Variants in PIAS2 observed in about 807,000 individuals in gnomAD.
PIAS2 encodes E3 SUMO-protein ligase PIAS2.
PIAS2 carries 19 observed loss-of-function variants against 69.7 expected under a neutral mutation model. The observed-to-expected ratio is 0.27, with a 90% confidence interval of 0.19 to 0.40. The LOEUF (loss-of-function observed/expected upper bound fraction) is 0.40, where lower values mean the gene tolerates loss of function less well. PIAS2 is among the 10% of genes least tolerant of loss of function. The pLI is 1.00. For synonymous variants in PIAS2, 261 were observed against 263.2 expected (o/e 0.99, Z 0.08); for missense variants, 624 against 757.0 (o/e 0.82, Z 2.06).
At chr18:46,917,295 C>A in intron 1 of PIAS2, 27 bp downstream of exon 1, 2 of 1,463,892 alleles carry the variant, frequency 1.4e-6, no homozygotes, top group South Asian at 1.3e-5. Flanking sequence ...CCCTCCCCCG[C>A]GGCCTCCGCT....
intron 1 of PIAS2, chr18:46,903,644 C>G (rs2056201525): frequency 6.6e-6 from 1 of 152,196 alleles, no homozygotes; most frequent in Non-Finnish European, 1.5e-5. Flanking sequence ...CTCTGGAAAA[C>G]AGTTTAGCAA....
At chr18:46,818,255 C>T (rs1599304011) in intron 12 of PIAS2, 1 of 1,250,940 alleles carries the variant, frequency 8.0e-7, no homozygotes, top group East Asian at 3.3e-5. Flanking sequence ...TTTAATGATA[C>T]AACTTTTGAG....
At chr18:46,844,672 A>G (rs1438355193) in intron 7 of PIAS2, 62 bp downstream of exon 7, 4 of 565,318 alleles carry the variant, frequency 7.1e-6, no homozygotes, top group Non-Finnish European at 1.2e-5. Flanking sequence ...GCATTAAAGT[A>G]TCTCATATGC....
intron 3 of PIAS2, among the ~76,000 whole-genome samples, chr18:46,856,672 T>C (rs2047890024): frequency 2.0e-5 from 3 of 152,200 alleles, no homozygotes; most frequent in Admixed American, 6.5e-5. Flanking sequence ...AGAATCTGCA[T>C]GTTAACAAGA....
chr18:46,862,196 C>T (rs1443200469), intron 3 of PIAS2, among the ~76,000 whole-genome samples: 1 of 151,996 alleles, frequency 6.6e-6, no homozygotes, highest in African/African-American at 2.4e-5. Context: ...CCAGGTATGG[C>T]GGCACCTGCC....
At chr18:46,870,422 T>TG (rs2050160275) in intron 2 of PIAS2, among the ~76,000 whole-genome samples, 2 of 151,992 alleles carry the variant, frequency 1.3e-5, no homozygotes, top group Admixed American at 1.3e-4. Flanking sequence ...GAGACCATCC[T>TG]GGCTAACATG....
intron 2 of PIAS2, among the ~76,000 whole-genome samples, chr18:46,873,590 G>T (rs1384809551): frequency 6.6e-6 from 1 of 152,164 alleles, no homozygotes; most frequent in Non-Finnish European, 1.5e-5. Flanking sequence ...ACAAAACCAA[G>T]AAGGGAATAT....
chr18:46,863,933 C>T (rs1487097071), intron 3 of PIAS2, among the ~76,000 whole-genome samples: 1 of 152,132 alleles, frequency 6.6e-6, no homozygotes, highest in Non-Finnish European at 1.5e-5. Flanking sequence ...AAGAAAGACA[C>T]CACGGATGCA....
chr18:46,814,685 T>A (rs1025675091), intron 13 of PIAS2, among the ~76,000 whole-genome samples: 1 of 152,222 alleles, frequency 6.6e-6, no homozygotes, highest in African/African-American at 2.4e-5. Context: ...TTGTTCTATG[T>A]CATTTTCTCC....
At chr18:46,814,806 T>C (rs919672606) in intron 13 of PIAS2, among the ~76,000 whole-genome samples, 15 of 151,880 alleles carry the variant, frequency 9.9e-5, no homozygotes, top group African/African-American at 3.6e-4. Flanking sequence ...GCTACTAGGG[T>C]TTCTCATCTT....
At chr18:46,912,374 T>C (rs377081727) in intron 1 of PIAS2, among the ~76,000 whole-genome samples, 3 of 152,230 alleles carry the variant, frequency 2.0e-5, no homozygotes, top group Admixed American at 2.0e-4. Context: ...TATGAAATGG[T>C]TGTTATACTA....
At chr18:46,823,073 CA>C (rs34457697) in intron 11 of PIAS2, among the ~76,000 whole-genome samples, 210 of 119,646 alleles carry the variant, frequency 1.8e-3, no homozygotes, top group African/African-American at 3.2e-3. Context: ...CTTGTATCTA[CA>C]AAAAAAAAAA....
intron 9 of PIAS2, among the ~76,000 whole-genome samples, chr18:46,835,384 A>T (rs2044281742): frequency 1.3e-5 from 2 of 152,218 alleles, no homozygotes; most frequent in Non-Finnish European, 2.9e-5. Context: ...AGCAAAGGAA[A>T]GTTCAGAAAG....
chr18:46,860,359 G>A (rs1191271520), intron 3 of PIAS2, among the ~76,000 whole-genome samples: 9 of 152,178 alleles, frequency 5.9e-5, no homozygotes. Context: ...CAATATGCTA[G>A]ATCAAATAGA....
intron 2 of PIAS2, among the ~76,000 whole-genome samples, chr18:46,865,837 C>T (rs908184090): frequency 9.2e-5 from 14 of 152,110 alleles, no homozygotes; most frequent in Non-Finnish European, 1.3e-4. Context: ...GGATTATAAA[C>T]ATAATTATGG....
chr18:46,920,033 A>G (rs1318658066), upstream of PIAS2: 1 of 1,286,578 alleles, frequency 7.8e-7, no homozygotes, highest in Non-Finnish European at 1.0e-6. Context: ...GTAAGAAAAG[A>G]AAAGCAAAGC....
In PIAS2 at chr18:46,844,780, T is replaced by C; in HGVS notation, c.921A>G (p.Arg307=). Residue 307 remains arginine, a synonymous_variant, in exon 7 of 14, where the codon AGA becomes AGG. Transcript: ENST00000585916. ...GGTTTCTAATACCTTTCATTTTTAA[T>C]CTCTGTAATAACATGGCTGATGTAA... ...RQLTSAMLLQ[R]LKMKGIRNPD... is the part of the protein sequence containing the mutation. 1 of 1,496,494 alleles carries C rather than the reference T, an allele frequency of 6.7e-7. No homozygotes were observed. The highest frequency in any genetic ancestry group is 8.9e-7 in the Non-Finnish European group (1 of 1,124,808). The allele number at this position is 1,496,494 out of a possible 1,614,324, so 92.7% of individuals were successfully genotyped here.
rs556690217 is a variant in PIAS2 at position 46,885,668 on chromosome 18, A to G, written c.499+4912T>C. On this transcript the variant is annotated intron_variant, in intron 2 of 13. Coordinates refer to ENST00000585916, the MANE Select transcript of PIAS2 (RefSeq NM_004671.5). ...CACTGCACTCCAGCCTGGGTGACAGAGCGAGACTCCGTCTCAAAAAAAAAA... is the reference window on the plus strand; with the variant it reads ...CACTGCACTCCAGCCTGGGTGACAGGGCGAGACTCCGTCTCAAAAAAAAAA... Among the ~76,000 whole-genome samples, 32 of 152,058 alleles carry G rather than the reference A, an allele frequency of 2.1e-4. No homozygotes were observed. In the South Asian group the frequency reaches 4.6e-3, roughly 22 times the overall value.
In PIAS2 at chr18:46,890,771, G is replaced by A. The variant is rs546155492; in HGVS notation, c.308C>T (p.Ser103Leu). ...EPDLAVAGIHSLPSTSVTPHS... is the reference protein window; with the variant it reads ...EPDLAVAGIHLLPSTSVTPHS... ...AGGTGTAACTGAAGTGGAAGGCAACGAGTGGATTCCAGCCACGGCCAAGTC... is the reference window on the plus strand; with the variant it reads ...AGGTGTAACTGAAGTGGAAGGCAACAAGTGGATTCCAGCCACGGCCAAGTC... Residue 103 changes from serine to leucine, a missense_variant, in exon 2 of 14, where the codon TCG becomes TTG. Ser to Leu is a moderately radical substitution (Grantham distance 145). Coordinates refer to ENST00000585916, the MANE Select transcript of PIAS2 (RefSeq NM_004671.5). 1.4e-5 allele frequency: 23 copies of A among 1,614,138 alleles called. No homozygotes were observed. The highest frequency in any genetic ancestry group is 6.7e-5 in the East Asian group (3 of 44,880).
Sources: gnomAD v4.1 joint callset for allele counts (sites outside exome capture counted in the v4.1 genomes callset) on GRCh38, gnomAD v4.1.1 for gene constraint, MANE v1.5 for transcripts, NCBI Gene and HGNC (gene_info 2026-07-23, HGNC 2026-07-21) for gene names.